UNC5A: variants seen among roughly 807,000 people sequenced by gnomAD.
UNC5A encodes the protein unc-5 netrin receptor A, also known as netrin receptor UNC5A.
UNC5A carries 20 observed loss-of-function variants against 87.4 expected under a neutral mutation model. The observed-to-expected ratio is 0.23, with a 90% confidence interval of 0.16 to 0.33. The LOEUF (loss-of-function observed/expected upper bound fraction) is 0.33. Ranked by LOEUF, UNC5A falls within the 10% of genes least tolerant of loss-of-function variation. The pLI is 1.00. For synonymous variants in UNC5A, 438 were observed against 482.3 expected (o/e 0.91, Z 1.20); for missense variants, 844 against 1,133.4 (o/e 0.74, Z 3.67).
intron 1 of UNC5A, among the ~76,000 whole-genome samples, chr5:176,830,769 TGTGTGTGTACTGGC>T (rs1756996249): frequency 7.1e-6 from 1 of 140,778 alleles, no homozygotes; most frequent in South Asian, 2.4e-4. Flanking sequence ...TGTGTGTAGG[TGTGTGTGTACTGGC>T]GTGTGTGTGC....
At chr5:176,849,197 C>G (rs1008117959) in intron 1 of UNC5A, among the ~76,000 whole-genome samples, 1 of 152,158 alleles carries the variant, frequency 6.6e-6, no homozygotes, top group Non-Finnish European at 1.5e-5. Flanking sequence ...CTTGTTTGGC[C>G]CACGGAGTGT....
intron 1 of UNC5A, among the ~76,000 whole-genome samples, chr5:176,837,926 C>CACCTCTAGAG (rs1327660009): frequency 2.0e-5 from 3 of 152,156 alleles, no homozygotes; most frequent in Non-Finnish European, 4.4e-5. Flanking sequence ...ACCCCACCAC[C>CACCTCTAGAG]ACCTCTAGAG....
chr5:176,874,715 G>A lies in UNC5A; in HGVS notation c.1378+149G>A. On this transcript the variant is annotated intron_variant, in intron 8 of 14. Coordinates refer to ENST00000329542, the MANE Select transcript of UNC5A (RefSeq NM_133369.3). This position sits in a 1 kb window ranked among gnomAD's most constrained non-coding sequence, Gnocchi z 7.6. ...TTTTGGGGAGAACCCAGTCTTGGCT[G>A]GCACCGAGGCCGTGGCCAGAGCTGT... is the stretch of plus-strand genomic sequence containing the variant. 1 of 926,612 alleles carries A rather than the reference G, an allele frequency of 1.1e-6. No individual in the cohort carries two copies. Among genetic ancestry groups the A allele is most frequent in the Non-Finnish European group, 1.5e-6 (1 of 648,548 alleles). The allele number at this position is 926,612 out of a possible 1,614,324, so 57.4% of individuals were successfully genotyped here. A position where few individuals can be genotyped will look rare whatever the true frequency, so the allele number is the denominator to read the frequency against.
intron 4 of UNC5A, 40 bp from the exon 5 acceptor site, chr5:176,868,744 A>T (rs1464920067): frequency 6.3e-7 from 1 of 1,588,204 alleles, no homozygotes; most frequent in Non-Finnish European, 8.6e-7. Context: ...GGGCAGGGCC[A>T]GCATGGGCTG....
intron 1 of UNC5A, among the ~76,000 whole-genome samples, chr5:176,858,740 A>AAGGC: frequency 9.2e-6 from 1 of 108,788 alleles, no homozygotes; most frequent in African/African-American, 3.6e-5. Flanking sequence ...GGAAGGAAGG[A>AAGGC]AGGAAGGAAG....
At chr5:176,817,869 G>A (rs1268815164) in intron 1 of UNC5A, among the ~76,000 whole-genome samples, 6 of 151,820 alleles carry the variant, frequency 4.0e-5, no homozygotes, top group African/African-American at 1.2e-4. Flanking sequence ...CGGGGCAGCC[G>A]GGCGCGGGGT....
At position 176,878,164 on chromosome 5, in the gene UNC5A, C is replaced by T. The variant is rs113347988; in HGVS notation, c.1869+37C>T. 8,712 of 1,603,876 alleles carry T rather than the reference C, an allele frequency of 5.4e-3. 399 individuals are homozygous for T. In the African/African-American group the frequency reaches 0.1, roughly 18 times the overall value. On this transcript the variant is annotated intron_variant, in intron 11 of 14. Transcript: ENST00000329542. The stretch of plus-strand genomic sequence containing the variant: ...CCCTCACCCCCCGCCGCTGGGAGGC[C>T]GAGCTATGCCTGGCCCTGTGGACTG...
intron 1 of UNC5A, among the ~76,000 whole-genome samples, chr5:176,822,052 T>C (rs760481767): frequency 4.6e-5 from 7 of 152,266 alleles, no homozygotes; most frequent in Non-Finnish European, 5.9e-5. Context: ...CTGGGTGAAC[T>C]TGGGCAGGTT....
At position 176,866,562 on chromosome 5, in the gene UNC5A, A is replaced by G. The variant is rs762403773; in HGVS notation, c.293-1568A>G. On this transcript the variant is annotated intron_variant, in intron 2 of 14. Transcript: ENST00000329542. This position sits in a 1 kb window ranked among gnomAD's most constrained non-coding sequence, Gnocchi z 5.0. ...CACCACGGGGGATGGAGGAACCATT[A>G]ACAGACTTGTCCACCCAAGGGAGAA... is the stretch of plus-strand genomic sequence containing the variant. 6.6e-6 allele frequency among the ~76,000 whole-genome samples: 1 copy of G among 152,186 alleles called. No homozygotes were observed. The highest frequency in any genetic ancestry group is 1.5e-5 in the Non-Finnish European group (1 of 68,036).
chr5:176,857,127 G>A (rs1757687223), intron 1 of UNC5A, among the ~76,000 whole-genome samples: 1 of 152,220 alleles, frequency 6.6e-6, no homozygotes, highest in African/African-American at 2.4e-5. Context: ...CTTTCTGAAA[G>A]TCTGCCCCTT....
intron 1 of UNC5A, among the ~76,000 whole-genome samples, chr5:176,861,216 C>T (rs1487632109): frequency 6.6e-6 from 1 of 152,244 alleles, no homozygotes; most frequent in Non-Finnish European, 1.5e-5. Flanking sequence ...GTGGGGGTAC[C>T]AACAGCAGCC....
At chr5:176,830,629 T>TGG in intron 1 of UNC5A, among the ~76,000 whole-genome samples, 2 of 142,570 alleles carry the variant, frequency 1.4e-5, no homozygotes. Context: ...GGCGTGTGTG[T>TGG]GTGTGCGCTG....
At chr5:176,816,473 C>CCCCAGGGG (rs1205346187) in intron 1 of UNC5A, among the ~76,000 whole-genome samples, 1 of 152,258 alleles carries the variant, frequency 6.6e-6, no homozygotes, top group Non-Finnish European at 1.5e-5. Flanking sequence ...CAGCTTCAGA[C>CCCCAGGGG]CCCAGGGGCC....
At chr5:176,837,579 G>C (rs1237438051) in intron 1 of UNC5A, among the ~76,000 whole-genome samples, 1 of 152,218 alleles carries the variant, frequency 6.6e-6, no homozygotes, top group African/African-American at 2.4e-5. Context: ...TTGGGTGTGT[G>C]CCAGGTTATC....
At chr5:176,827,346 C>G (rs541050796) in intron 1 of UNC5A, among the ~76,000 whole-genome samples, 3 of 152,176 alleles carry the variant, frequency 2.0e-5, no homozygotes, top group African/African-American at 7.2e-5. Flanking sequence ...CCACGCCCAG[C>G]CAATTTTTGT....
chr5:176,842,503 AT>A (rs1343651267), intron 1 of UNC5A, among the ~76,000 whole-genome samples: 2 of 151,752 alleles, frequency 1.3e-5, no homozygotes, highest in African/African-American at 4.9e-5. Flanking sequence ...ATATATATAT[AT>A]ATATATGATG....
intron 1 of UNC5A, among the ~76,000 whole-genome samples, chr5:176,856,372 C>T (rs540596353): frequency 6.6e-6 from 1 of 152,194 alleles, no homozygotes; most frequent in Admixed American, 6.5e-5. Context: ...GCTGCTCTGC[C>T]CTCTCTCTGG....
In UNC5A at chr5:176,868,808, C is replaced by G. The variant is rs1187079639; in HGVS notation, c.565C>G (p.Leu189Val). The part of the protein sequence containing the change: ...AEVEWLRNED[L>V]VDPSLDPNVY... ...GGTGGAGTGGCTCCGGAACGAGGAC[C>G]TGGTGGACCCGTCCCTGGACCCCAA... is the stretch of plus-strand genomic sequence containing the variant. Residue 189 changes from leucine (L) to valine (V), a missense_variant, in exon 5 of 15, where the codon CTG (leucine) becomes GTG (valine). Physicochemically the swap from Leu to Val is conservative, Grantham distance 32. This residue lies in a region of UNC5A where 314 missense variants were observed against 466.5 expected (regional missense o/e 0.67). Transcript: ENST00000329542. 2 of 1,604,644 alleles carry G rather than the reference C, an allele frequency of 1.2e-6. No individual in the cohort carries two copies. The highest frequency in any genetic ancestry group is 1.7e-6 in the Non-Finnish European group (2 of 1,173,352).
chr5:176,871,866 A>G (rs1211022849), intron 6 of UNC5A, among the ~76,000 whole-genome samples: 1 of 10,486 alleles, frequency 9.5e-5, no homozygotes, highest in African/African-American at 1.7e-4. Flanking sequence ...ATCTGCCCAC[A>G]CTCGCCCAAC....
Sources: gnomAD v4.1 joint callset for allele counts (sites outside exome capture counted in the v4.1 genomes callset) on GRCh38, gnomAD v4.1.1 for gene constraint, gnomAD v4.1.1 regional missense constraint, Gnocchi (gnomAD v3.1) non-coding constraint, MANE v1.5 for transcripts, NCBI Gene and HGNC (gene_info 2026-07-23, HGNC 2026-07-21) for gene names.